CERS6: variants seen among roughly 807,000 people sequenced by gnomAD.
CERS6 encodes the protein ceramide synthase 6.
A neutral mutation model predicts 56.8 loss-of-function variants in CERS6; 26 were observed. The observed-to-expected ratio is 0.46, with a 90% CI of 0.34 to 0.63. CERS6 has a LOEUF of 0.63. Among genes scored for constraint, CERS6 ranks in the 30% least tolerant of loss-of-function variants. The pLI is 0.01. For missense variants in CERS6, 415 were observed against 467.5 expected (o/e 0.89, Z 1.04); for synonymous variants, 164 against 173.3 (o/e 0.95, Z 0.42).
At chr2:168,752,020 T>C (rs1393825436) in intron 8 of CERS6, among the ~76,000 whole-genome samples, 2 of 152,198 alleles carry the variant, frequency 1.3e-5, no homozygotes, top group Non-Finnish European at 2.9e-5. Context: ...TACCTAGTCT[T>C]ATCTATCTTA....
chr2:168,658,684 A>G (rs1685553004), intron 4 of CERS6, among the ~76,000 whole-genome samples: 1 of 152,244 alleles, frequency 6.6e-6, no homozygotes, highest in Non-Finnish European at 1.5e-5. Context: ...AAATTTGTAT[A>G]TGTATTATTC....
At chr2:168,705,368 G>GA (rs566149926) in intron 6 of CERS6, among the ~76,000 whole-genome samples, 80 of 149,908 alleles carry the variant, frequency 5.3e-4, no homozygotes, top group South Asian at 1.7e-3. Context: ...ACAGCCAGAA[G>GA]AAAAAAAAAC....
chr2:168,610,217 T>A (rs947975869), intron 3 of CERS6, among the ~76,000 whole-genome samples: 1 of 152,034 alleles, frequency 6.6e-6, no homozygotes, highest in Non-Finnish European at 1.5e-5. Context: ...GACCTCATGA[T>A]CCACCCACCT....
At chr2:168,590,158 A>G (rs1165170074) in intron 3 of CERS6, among the ~76,000 whole-genome samples, 1 of 152,210 alleles carries the variant, frequency 6.6e-6, no homozygotes, top group Non-Finnish European at 1.5e-5. Flanking sequence ...TGTCCAGATT[A>G]CCAAGTGTGT....
intron 5 of CERS6, among the ~76,000 whole-genome samples, chr2:168,694,072 CTTGT>C (rs1446375544): frequency 6.6e-6 from 1 of 152,036 alleles, no homozygotes; most frequent in Non-Finnish European, 1.5e-5. Flanking sequence ...GGGGTATGGA[CTTGT>C]TTGTGTGATG....
chr2:168,548,326 A>C (rs923754716), intron 2 of CERS6, among the ~76,000 whole-genome samples: 7 of 152,154 alleles, frequency 4.6e-5, no homozygotes, highest in African/African-American at 1.7e-4. Flanking sequence ...GGAGTGGGAG[A>C]GAAGTGGGTA....
At chr2:168,720,963 G>T (rs1687350307) in intron 8 of CERS6, among the ~76,000 whole-genome samples, 1 of 152,180 alleles carries the variant, frequency 6.6e-6, no homozygotes, top group African/African-American at 2.4e-5. Flanking sequence ...CGTGGCCAGT[G>T]ATGGACCACA....
At chr2:168,669,947 T>C (rs1228006177) in intron 4 of CERS6, among the ~76,000 whole-genome samples, 1 of 152,220 alleles carries the variant, frequency 6.6e-6, no homozygotes, top group Admixed American at 6.5e-5. Context: ...ATATGGGTCT[T>C]GGATGTAAAA....
chr2:168,512,581 T>G (rs1275863758), intron 1 of CERS6, among the ~76,000 whole-genome samples: 1 of 152,116 alleles, frequency 6.6e-6, no homozygotes, highest in Non-Finnish European at 1.5e-5. Flanking sequence ...TTTTCAAAGA[T>G]CCTTGCTCAT....
intron 6 of CERS6, among the ~76,000 whole-genome samples, chr2:168,707,262 T>C (rs566207147): frequency 5.6e-4 from 85 of 152,316 alleles, no homozygotes; most frequent in Admixed American, 1.4e-3. Flanking sequence ...TAAATGTGTA[T>C]ACATTTAGTC....
At chr2:168,541,660 T>C (rs572638388) in intron 1 of CERS6, among the ~76,000 whole-genome samples, 15 of 152,324 alleles carry the variant, frequency 9.8e-5, no homozygotes, top group African/African-American at 3.6e-4. Flanking sequence ...TCAAAAATGT[T>C]GATGTTTTGT....
intron 4 of CERS6, among the ~76,000 whole-genome samples, chr2:168,670,965 T>C (rs1345985686): frequency 2.6e-4 from 6 of 23,172 alleles, no homozygotes; most frequent in East Asian, 4.0e-3. Context: ...GGATACATGC[T>C]TCCCCCCCCC....
chr2:168,686,039 T>C (rs1686340964), intron 4 of CERS6, among the ~76,000 whole-genome samples: 1 of 148,362 alleles, frequency 6.7e-6, no homozygotes, highest in Non-Finnish European at 1.5e-5. Flanking sequence ...AGTTCTCTTA[T>C]GATGCTGTTA....
At chr2:168,562,799 GC>G (rs1396445415) in intron 3 of CERS6, among the ~76,000 whole-genome samples, 2 of 152,172 alleles carry the variant, frequency 1.3e-5, no homozygotes, top group Non-Finnish European at 2.9e-5. Flanking sequence ...AATCAGCAAA[GC>G]CCTCTCAATA....
intron 1 of CERS6, among the ~76,000 whole-genome samples, chr2:168,522,578 G>C (rs1466298281): frequency 6.6e-6 from 1 of 151,936 alleles, no homozygotes; most frequent in Non-Finnish European, 1.5e-5. Context: ...TGTTGCTCAG[G>C]CTAGAGTGCA....
At chr2:168,673,108 C>A (rs1685963571) in intron 4 of CERS6, among the ~76,000 whole-genome samples, 1 of 152,132 alleles carries the variant, frequency 6.6e-6, no homozygotes, top group Non-Finnish European at 1.5e-5. Context: ...ATGAAAGTAG[C>A]TATGAAGAGG....
At chr2:168,562,009 A>T (rs1335534950) in intron 3 of CERS6, among the ~76,000 whole-genome samples, 6 of 152,190 alleles carry the variant, frequency 3.9e-5, no homozygotes, top group South Asian at 2.1e-4. Context: ...GAACATCCCC[A>T]AGAAAGGGAA....
rs145881474 is a variant in CERS6, at chr2:168,517,515, A to AAATTAATT, written c.171-30078_171-30077insTAATTAAT. Among the ~76,000 whole-genome samples the AAATTAATT allele has an allele frequency of 2.7e-4, 40 of 150,492 alleles. 1 individual carries two copies. The East Asian group carries it at 5.2e-3, about 20-fold the overall frequency. ...TCAAAAAATAAATAAATAAATAAAT[A>AAATTAATT]AATAAATAATAAAATAAAATAAACA... is the stretch of plus-strand genomic sequence containing the variant. On this transcript the variant is annotated intron_variant, in intron 1 of 9. Transcript: ENST00000305747.
intron 4 of CERS6, among the ~76,000 whole-genome samples, chr2:168,654,487 G>A (rs1685421651): frequency 1.3e-5 from 2 of 152,270 alleles, no homozygotes; most frequent in Admixed American, 1.3e-4. Context: ...AGGATGAAGT[G>A]AGCCAAGATC....
Sources: gnomAD v4.1 joint callset for allele counts (sites outside exome capture counted in the v4.1 genomes callset) on GRCh38, gnomAD v4.1.1 for gene constraint, MANE v1.5 for transcripts, NCBI Gene and HGNC (gene_info 2026-07-23, HGNC 2026-07-21) for gene names.